GOLGA6L7: variants seen among roughly 807,000 people sequenced by gnomAD.
GOLGA6L7 encodes the protein golgin subfamily A member 6-like protein 7.
In GOLGA6L7, 29 loss-of-function variants were observed where a neutral mutation model predicts 68.9. The observed-to-expected ratio is 0.42, with a 90% CI of 0.31 to 0.57. GOLGA6L7 has a LOEUF of 0.57. GOLGA6L7 is among the 20% of genes least tolerant of loss of function. The pLI, the probability that GOLGA6L7 is intolerant of heterozygous loss-of-function variation, is 0.13. For synonymous variants in GOLGA6L7, 133 were observed against 197.4 expected (o/e 0.67, Z 2.73); for missense variants, 396 against 588.4 (o/e 0.67, Z 3.38).
rs2671077 is a variant in GOLGA6L7 at position 28,843,865 on chromosome 15, T to C, written c.532A>G (p.Lys178Glu). 20 of 1,112,054 alleles carry C rather than the reference T, an allele frequency of 1.8e-5. No individual in the cohort carries two copies. The highest frequency in any genetic ancestry group is 4.9e-5 in the East Asian group (2 of 41,208). 68.9% of individuals were successfully genotyped at this position (1,112,054 alleles called of 1,614,324 possible). Reference protein sequence around the residue: ...LELFRNIITNKELKEKNAELQ... With the variant: ...LELFRNIITNEELKEKNAELQ... ...TCGGCATTTTTCTCCTTCAGCTCCTTATTGGTTATGCTATGGCCGGAGGCA... is the reference window on the plus strand; with the variant it reads ...TCGGCATTTTTCTCCTTCAGCTCCTCATTGGTTATGCTATGGCCGGAGGCA... Residue 178 changes from lysine (K) to glutamate (E), a missense_variant, in exon 8 of 9, where the codon AAG becomes GAG. Lys to Glu is a moderately conservative substitution (Grantham distance 56). Transcript: ENST00000567390.
Position 28,842,398 on chromosome 15 carries a change from C to T in GOLGA6L7, c.1706G>A (p.Arg569Gln), listed in dbSNP as rs562320255. 45 of 1,215,846 alleles carry T rather than the reference C, an allele frequency of 3.7e-5. No homozygotes were observed. In the African/African-American group the frequency reaches 5.3e-4, roughly 14 times the overall value. 75.3% of individuals were successfully genotyped at this position (1,215,846 alleles called of 1,614,324 possible). ...ATGGGAATAACCCTTCCCGGCCTCT[C>T]GTGCAGGCTCCAGGCTGCCAGGGTG... ...MSHPGSLEPA[R>Q]EAGKGYSHDN... Residue 569 changes from arginine (R) to glutamine (Q), a missense_variant, in exon 9 of 9, where the codon CGA becomes CAA. Transcript: ENST00000567390.
Position 28,846,259 on chromosome 15 carries a change from G to C in GOLGA6L7, c.181-10C>G. The C allele has an allele frequency of 1.3e-6, 1 of 769,926 alleles. No homozygotes were observed. The highest frequency in any genetic ancestry group is 1.7e-5 in the African/African-American group (1 of 59,368). The allele number at this position is 769,926 out of a possible 1,614,324, so 47.7% of individuals were successfully genotyped here. On this transcript the variant is annotated splice_polypyrimidine_tract_variant and intron_variant, in intron 2 of 8. Coordinates refer to ENST00000567390, the MANE Select transcript of GOLGA6L7 (RefSeq NM_001365371.2). Reference sequence around the variant, plus strand: ...CTCGGTTCTGTTGTTTCTGTGGGGAGAGTCAAAGGAAGGTGACTGAGGGTG... The same window carrying C: ...CTCGGTTCTGTTGTTTCTGTGGGGACAGTCAAAGGAAGGTGACTGAGGGTG...
intron 1 of GOLGA6L7, among the ~76,000 whole-genome samples, chr15:28,848,274 C>T (rs567028271): frequency 4.6e-5 from 7 of 151,696 alleles, no homozygotes; most frequent in Admixed American, 1.3e-4. Flanking sequence ...GGGAGCCCCA[C>T]GAGTCACCGG....
In GOLGA6L7 at chr15:28,846,240, T is replaced by C; in HGVS notation, c.190A>G (p.Asn64Asp). ...GCHSPEDKQQ[N>D]RAQLKEENKA... ...GTTACCTCTTTCAGCTGAGCTCGGT[T>C]CTGTTGTTTCTGTGGGGAGAGTCAA... Residue 64 changes from asparagine (N) to aspartate (D), a missense_variant, in exon 3 of 9, where the codon AAC becomes GAC. Asn to Asp is a conservative substitution (Grantham distance 23, BLOSUM62 1). Coordinates refer to ENST00000567390, the MANE Select transcript of GOLGA6L7 (RefSeq NM_001365371.2). The C allele has an allele frequency of 1.3e-6, 1 of 769,678 alleles. No homozygotes were observed. Among genetic ancestry groups the C allele is most frequent in the Non-Finnish European group, 2.4e-6 (1 of 424,200 alleles). 47.7% of individuals were successfully genotyped at this position (769,678 alleles called of 1,614,324 possible).
Position 28,845,945 on chromosome 15 carries a change from A to C in GOLGA6L7, c.216T>G (p.Asn72Lys), listed in dbSNP as rs2671075. The change falls in exon 4 of 9, where the codon AAT becomes AAG. Residue 72 changes from asparagine (N) to lysine (K), a missense_variant. By Grantham distance (94) the Asn-to-Lys change is moderately conservative. This residue lies in a region of GOLGA6L7 where 125 missense variants were observed against 119.4 expected (regional missense o/e 1.05). Coordinates refer to ENST00000567390, the MANE Select transcript of GOLGA6L7 (RefSeq NM_001365371.2). Reference sequence around the variant, plus strand: ...CTTGCTGATGTTGGTGGCTTGCCTTATTTTCCTATAGAAAAGAAGAGGAAG... The same window carrying C: ...CTTGCTGATGTTGGTGGCTTGCCTTCTTTTCCTATAGAAAAGAAGAGGAAG... ...QQNRAQLKEE[N>K]KASHQHQQAL... is the part of the protein sequence containing the mutation. 1,531 of 1,254,342 alleles carry C rather than the reference A, an allele frequency of 1.2e-3. 1 individual carries two copies. The highest frequency in any genetic ancestry group is 1.5e-3 in the Non-Finnish European group (1,314 of 864,296). The allele number at this position is 1,254,342 out of a possible 1,614,324, so 77.7% of individuals were successfully genotyped here. A position where few individuals can be genotyped will look rare whatever the true frequency, so the allele number is the denominator to read the frequency against.
rs1175093749 is a variant in GOLGA6L7, at chr15:28,845,250, C to A, written c.462+279G>T. 8.9e-6 allele frequency: 5 copies of A among 563,838 alleles called. No homozygotes were observed. In the East Asian group the frequency reaches 1.6e-4, roughly 19 times the overall value. The allele number at this position is 563,838 out of a possible 1,614,324, so 34.9% of individuals were successfully genotyped here. On this transcript the variant is annotated intron_variant, in intron 6 of 8. Coordinates refer to ENST00000567390, the MANE Select transcript of GOLGA6L7 (RefSeq NM_001365371.2). ...TTCATGGTACAAGTACCCTCAACTC[C>A]GCCTAGGATTTGACCAAGGCCACAG... is the stretch of plus-strand genomic sequence containing the variant.
rs1049096166 is a variant in GOLGA6L7, at chr15:28,842,522, G to T, written c.1582C>A (p.Arg528=). ...TCTCCCATCCTCTCCTTCTTCTCCCGCCTCTTCTCCACCTGCCTCCGGATC... is the reference window on the plus strand; with the variant it reads ...TCTCCCATCCTCTCCTTCTTCTCCCTCCTCTTCTCCACCTGCCTCCGGATC... ...EKIRRQVEKR[R]EKKERMGEQE... The change falls in exon 9 of 9, where the codon CGG becomes AGG. Residue 528 remains arginine, a synonymous_variant. Transcript: ENST00000567390. 8.3e-6 allele frequency: 10 copies of T among 1,209,348 alleles called. No individual in the cohort carries two copies. Among genetic ancestry groups the T allele is most frequent in the African/African-American group, 7.9e-5 (5 of 63,536 alleles). The allele number at this position is 1,209,348 out of a possible 1,614,324, so 74.9% of individuals were successfully genotyped here. A position where few individuals can be genotyped will look rare whatever the true frequency, so the allele number is the denominator to read the frequency against.
chr15:28,842,391 G>T lies in GOLGA6L7; in HGVS notation c.1713C>A (p.Ala571=). The T allele has an allele frequency of 1.6e-6, 2 of 1,221,272 alleles. No individual in the cohort carries two copies. The highest frequency in any genetic ancestry group is 4.0e-5 in the Admixed American group (1 of 25,194). 75.7% of individuals were successfully genotyped at this position (1,221,272 alleles called of 1,614,324 possible). ...HPGSLEPARE[A]GKGYSHDNRT... is the part of the protein sequence containing the mutation. The stretch of plus-strand genomic sequence containing the variant: ...GGTTGTCATGGGAATAACCCTTCCC[G>T]GCCTCTCGTGCAGGCTCCAGGCTGC... Residue 571 remains alanine (A), a synonymous_variant, in exon 9 of 9, where the codon GCC becomes GCA. Transcript: ENST00000567390.
At chr15:28,844,369 C>G in intron 6 of GOLGA6L7, 106 bp from the exon 7 acceptor site, 1 of 404,008 alleles carries the variant, frequency 2.5e-6, no homozygotes, top group Non-Finnish European at 4.4e-6. Context: ...TGCTCCTCTC[C>G]GTCACACCCG....
chr15:28,844,939 G>C (rs1384688535), intron 6 of GOLGA6L7: 1 of 192,262 alleles, frequency 5.2e-6, no homozygotes, highest in East Asian at 1.5e-4. Flanking sequence ...TTTGGTTGGG[G>C]GTAGGGGCAC....
chr15:28,847,678 T>C lies in GOLGA6L7; in HGVS notation c.52-486A>G, dbSNP rs1456809638. ...CCTAAGAACATTAATGTTTTGTGTC[T>C]CCCACGAGAATCAAGGAAAACTGAT... On this transcript the variant is annotated intron_variant, in intron 1 of 8. Transcript: ENST00000567390. Among the ~76,000 whole-genome samples the C allele has an allele frequency of 2.0e-5, 3 of 152,388 alleles. No individual in the cohort carries two copies. In the East Asian group the frequency reaches 5.8e-4, roughly 29 times the overall value.
rs777561167 is a variant in GOLGA6L7 at position 28,845,963 on chromosome 15, A to C, written c.211-13T>G. The C allele has an allele frequency of 3.9e-5, 45 of 1,147,400 alleles. No homozygotes were observed. Among genetic ancestry groups the C allele is most frequent in the Non-Finnish European group, 5.6e-5 (43 of 772,156 alleles). 71.1% of individuals were successfully genotyped at this position (1,147,400 alleles called of 1,614,324 possible). On this transcript the variant is annotated splice_polypyrimidine_tract_variant and intron_variant, in intron 3 of 8. Transcript: ENST00000567390. ...TTGCCTTATTTTCCTATAGAAAAGA[A>C]GAGGAAGACAGAGCTCTTACTAGAG...
At chr15:28,845,319 C>G in intron 6 of GOLGA6L7, 3 of 654,712 alleles carry the variant, frequency 4.6e-6, no homozygotes, top group Non-Finnish European at 8.3e-6. Context: ...AGCTCTGTGT[C>G]CAGTGCTCGC....
chr15:28,847,641 G>A (rs1308228159), intron 1 of GOLGA6L7, among the ~76,000 whole-genome samples: 2 of 152,278 alleles, frequency 1.3e-5, no homozygotes, highest in Admixed American at 1.3e-4. Context: ...TGAAATCTAT[G>A]TGACTATCAT....
rs1357610090 is a variant in GOLGA6L7 at position 28,842,474 on chromosome 15, G to A, written c.1630C>T (p.Arg544Trp). ...MGEQEKTQEE[R>W]CSEPCLPPSK... Reference sequence around the variant, plus strand: ...GGAGGGAGGCAGGGCTCTGAGCACCGCTCCTCCTGCGTCTTCTCCTGCTCT... The same window carrying A: ...GGAGGGAGGCAGGGCTCTGAGCACCACTCCTCCTGCGTCTTCTCCTGCTCT... Residue 544 changes from arginine (R) to tryptophan (W), a missense_variant, in exon 9 of 9, where the codon CGG (arginine) becomes TGG (tryptophan). Physicochemically the swap from Arg to Trp is moderately radical, Grantham distance 101. Around this residue, in one of 5 missense-constraint regions of GOLGA6L7, gnomAD observed 125 missense variants for 163.3 expected, o/e 0.77. Transcript: ENST00000567390. 4.2e-5 allele frequency: 48 copies of A among 1,142,682 alleles called. No individual in the cohort carries two copies. The highest frequency in any genetic ancestry group is 3.2e-4 in the Middle Eastern group (1 of 3,160). The allele number at this position is 1,142,682 out of a possible 1,614,324, so 70.8% of individuals were successfully genotyped here. A position where few individuals can be genotyped will look rare whatever the true frequency, so the allele number is the denominator to read the frequency against.
At chr15:28,844,461 G>A (rs2030338148) in intron 6 of GOLGA6L7, among the ~76,000 whole-genome samples, 198 bp from the exon 7 acceptor site, 3 of 121,332 alleles carry the variant, frequency 2.5e-5, no homozygotes, top group African/African-American at 1.1e-4. Flanking sequence ...ATGGAGTTTC[G>A]CTCTTGTTGC....
chr15:28,844,114 C>T, intron 7 of GOLGA6L7, 91 bp downstream of exon 7: 2 of 523,698 alleles, frequency 3.8e-6, no homozygotes, highest in Admixed American at 3.4e-5. Context: ...CTGTATGACC[C>T]CCTACCATGC....
Position 28,842,654 on chromosome 15 carries a change from G to A in GOLGA6L7, c.1450C>T (p.Gln484Ter). 4.7e-6 allele frequency: 6 copies of A among 1,287,296 alleles called. No individual in the cohort carries two copies. The highest frequency in any genetic ancestry group is 5.9e-6 in the Non-Finnish European group (6 of 1,024,700). The allele number at this position is 1,287,296 out of a possible 1,614,324, so 79.7% of individuals were successfully genotyped here. A position where few individuals can be genotyped will look rare whatever the true frequency, so the allele number is the denominator to read the frequency against. ...QEEQMGEQEE[Q>*]MGEQEEQMRK... ...ATCTGCTCCTCCTGCTCCCCCATCT[G>A]CTCCTCCTGCTCCCCCATCTGCTCC... The change falls in exon 9 of 9, where the codon CAG becomes TAG. Residue 484 changes from glutamine (Q) to a stop codon, truncating the protein, a stop_gained. Coordinates refer to ENST00000567390, the MANE Select transcript of GOLGA6L7 (RefSeq NM_001365371.2). LOFTEE classifies it high-confidence loss of function.
At position 28,843,353 on chromosome 15, in the gene GOLGA6L7, G is replaced by C. The variant is rs529344201; in HGVS notation, c.751C>G (p.Arg251Gly). The C allele has an allele frequency of 3.7e-6, 2 of 544,278 alleles. No individual in the cohort carries two copies. Among genetic ancestry groups the C allele is most frequent in the Non-Finnish European group, 5.3e-6 (2 of 378,026 alleles). 33.7% of individuals were successfully genotyped at this position (544,278 alleles called of 1,614,324 possible). A position where few individuals can be genotyped will look rare whatever the true frequency, so the allele number is the denominator to read the frequency against. The change falls in exon 9 of 9, where the codon CGG (arginine) becomes GGG (glycine). Residue 251 changes from arginine to glycine, a missense_variant. By Grantham distance (125) the Arg-to-Gly change is moderately radical. Transcript: ENST00000567390. ...QEELRDQEKL[R>G]KHEEKMWRQE... ...CTCCACATCTTCTCCTCGTGCTTCC[G>C]TAGCTTCTCCTGATCCCGTAGCTCC...
Sources: allele counts gnomAD v4.1 joint callset (sites outside exome capture counted in the v4.1 genomes callset), GRCh38; gene constraint gnomAD v4.1.1; regional missense constraint gnomAD v4.1.1; transcripts MANE v1.5; gene names NCBI Gene and HGNC (gene_info 2026-07-23, HGNC 2026-07-21).